The following ROBO2 variants were observed in gnomAD, a reference collection of about 807,000 sequenced individuals.
ROBO2 encodes the protein roundabout guidance receptor 2, also known as roundabout homolog 2.
ROBO2 carries 53 observed loss-of-function variants against 160.8 expected under a neutral mutation model. That is an observed-to-expected ratio of 0.33 (90% confidence interval 0.26 to 0.41). The LOEUF is 0.41. Ranked by LOEUF, ROBO2 falls within the 10% of genes least tolerant of loss-of-function variation. The pLI, the probability that ROBO2 is intolerant of heterozygous loss-of-function variation, is 1.00. For missense variants in ROBO2, 1,577 were observed against 1,722.4 expected (o/e 0.92, Z 1.49); for synonymous variants, 664 against 611.7 (o/e 1.09, Z -1.26).
At chr3:77,098,943 G>A (rs1288690195) in intron 2 of ROBO2, among the ~76,000 whole-genome samples, 3 of 151,884 alleles carry the variant, frequency 2.0e-5, no homozygotes, top group African/African-American at 7.3e-5. Context: ...CGTCTTCAAA[G>A]ATAAGAGAAT....
At chr3:76,887,277 C>G (rs1311477218) in intron 2 of ROBO2, among the ~76,000 whole-genome samples, 100 of 138,758 alleles carry the variant, frequency 7.2e-4, no homozygotes, top group African/African-American at 2.6e-3. Context: ...CAAAAATTAG[C>G]CATGTCATTT....
chr3:75,962,888 G>A lies in ROBO2; in HGVS notation c.109+25286G>A, dbSNP rs115961075. Among the ~76,000 whole-genome samples, 1,208 of 151,826 alleles carry A rather than the reference G, an allele frequency of 8.0e-3. 14 individuals carry two copies. The highest frequency in any genetic ancestry group is 0.027 in the African/African-American group (1,118 of 41,468). On this transcript the variant is annotated intron_variant, in intron 2 of 26. Transcript: ENST00000487694. ...GTAGGGTTTTGTTGTTGTTGTTGCCGTTTGTTTGTCTAACTTTACCAGTAG... is the reference window on the plus strand; with the variant it reads ...GTAGGGTTTTGTTGTTGTTGTTGCCATTTGTTTGTCTAACTTTACCAGTAG...
At chr3:76,201,077 AAGAC>A (rs769250323) in intron 2 of ROBO2, among the ~76,000 whole-genome samples, 5 of 152,186 alleles carry the variant, frequency 3.3e-5, no homozygotes, top group Non-Finnish European at 7.3e-5. Context: ...AAACAGCACA[AAGAC>A]AGGCTAATTT....
chr3:76,545,791 T>C (rs548603035), intron 2 of ROBO2, among the ~76,000 whole-genome samples: 9 of 152,062 alleles, frequency 5.9e-5, no homozygotes, highest in African/African-American at 1.9e-4. Flanking sequence ...ATTTTTTCTT[T>C]CAAATTAATG....
intron 2 of ROBO2, among the ~76,000 whole-genome samples, chr3:76,647,666 T>C (rs918818689): frequency 2.6e-5 from 4 of 152,092 alleles, no homozygotes; most frequent in Non-Finnish European, 4.4e-5. Flanking sequence ...TTTTTATTAA[T>C]GCACTGTGCA....
At chr3:76,000,609 C>T (rs1022379410) in intron 2 of ROBO2, among the ~76,000 whole-genome samples, 1 of 151,626 alleles carries the variant, frequency 6.6e-6, no homozygotes. Flanking sequence ...CTGCCTCAGC[C>T]TCCCGAGTAG....
At chr3:77,050,494 C>A (rs1254713256) in intron 1 of ROBO2, among the ~76,000 whole-genome samples, 1 of 151,496 alleles carries the variant, frequency 6.6e-6, no homozygotes, top group African/African-American at 2.4e-5. Context: ...CTTTACTACT[C>A]TAATAAACTT....
At chr3:76,938,624 T>C (rs1033657310) in intron 2 of ROBO2, among the ~76,000 whole-genome samples, 1 of 152,082 alleles carries the variant, frequency 6.6e-6, no homozygotes, top group Admixed American at 6.6e-5. Context: ...CTCTGGGTCT[T>C]GTTCAGAAAG....
At chr3:77,380,187 T>G (rs2073255127) in intron 2 of ROBO2, among the ~76,000 whole-genome samples, 1 of 152,220 alleles carries the variant, frequency 6.6e-6, no homozygotes, top group Non-Finnish European at 1.5e-5. Flanking sequence ...TTTATTTGTC[T>G]TGTACTCAGC....
intron 2 of ROBO2, among the ~76,000 whole-genome samples, chr3:77,244,422 G>T (rs567019482): frequency 6.6e-6 from 1 of 152,152 alleles, no homozygotes; most frequent in Non-Finnish European, 1.5e-5. Flanking sequence ...ATAGGAAAAC[G>T]TTTAGCATGC....
chr3:77,037,415 C>G (rs979794498), upstream of ROBO2, among the ~76,000 whole-genome samples: 12 of 152,178 alleles, frequency 7.9e-5, no homozygotes, highest in Admixed American at 7.9e-4. Flanking sequence ...TCTAAAATCA[C>G]TGGCTTGCTT....
At chr3:76,650,481 C>CTTTTTTTTTTTTTT (rs67171130) in intron 2 of ROBO2, among the ~76,000 whole-genome samples, 1 of 146,730 alleles carries the variant, frequency 6.8e-6, no homozygotes, top group Non-Finnish European at 1.5e-5. Context: ...CCTTCTTTCT[C>CTTTTTTTTTTTTTT]TTTTTTTTTT....
chr3:76,585,614 C>T (rs916286672), intron 2 of ROBO2, among the ~76,000 whole-genome samples: 1 of 152,064 alleles, frequency 6.6e-6, no homozygotes, highest in African/African-American at 2.4e-5. Context: ...CCATGATATT[C>T]AACTAAAAAT....
chr3:76,437,673 G>A (rs2076746898), intron 2 of ROBO2, among the ~76,000 whole-genome samples: 1 of 152,132 alleles, frequency 6.6e-6, no homozygotes, highest in South Asian at 2.1e-4. Context: ...TGTAAACAAA[G>A]AGGAAGACTG....
At chr3:76,464,795 C>T (rs1252957726) in intron 2 of ROBO2, among the ~76,000 whole-genome samples, 2 of 152,012 alleles carry the variant, frequency 1.3e-5, no homozygotes, top group South Asian at 2.1e-4. Flanking sequence ...TACACATTCC[C>T]ATATACACAA....
At chr3:76,273,046 T>TATATAA (rs1707671714) in intron 2 of ROBO2, among the ~76,000 whole-genome samples, 1 of 100,284 alleles carries the variant, frequency 1.0e-5, no homozygotes, top group African/African-American at 3.9e-5. Flanking sequence ...AAAATATATA[T>TATATAA]TATATAAATA....
At chr3:77,035,949 G>C (rs951886038), upstream of ROBO2, among the ~76,000 whole-genome samples, 3 of 151,950 alleles carry the variant, frequency 2.0e-5, no homozygotes, top group South Asian at 6.2e-4. Flanking sequence ...TGGCTTTAAA[G>C]AGGTTCTTAA....
chr3:76,049,399 A>AT (rs1204742605), intron 2 of ROBO2, among the ~76,000 whole-genome samples: 4 of 50,370 alleles, frequency 7.9e-5, no homozygotes, highest in African/African-American at 5.4e-4. Context: ...ATATATATAT[A>AT]TATATTTTTT....
chr3:77,346,413 C>A (rs545963833), intron 2 of ROBO2, among the ~76,000 whole-genome samples: 4 of 152,132 alleles, frequency 2.6e-5, no homozygotes, highest in African/African-American at 7.2e-5. Flanking sequence ...TCATTCTACT[C>A]TTACAACTAT....
Sources: allele counts gnomAD v4.1 joint callset (sites outside exome capture counted in the v4.1 genomes callset), GRCh38; gene constraint gnomAD v4.1.1; transcripts MANE v1.5; gene names NCBI Gene and HGNC (gene_info 2026-07-23, HGNC 2026-07-21).